KANSL1: variants seen among roughly 807,000 people sequenced by gnomAD.
The protein encoded by KANSL1 is MLL1/MLL complex subunit KANSL1.
A neutral mutation model predicts 103.6 loss-of-function variants in KANSL1; 22 were observed. The ratio of observed to expected loss-of-function variants is 0.21; its 90% CI spans 0.15 to 0.30. The LOEUF is 0.30. Among genes scored for constraint, KANSL1 ranks in the 10% least tolerant of loss-of-function variants. KANSL1 has a pLI of 1.00. For missense variants in KANSL1, 1,337 were observed against 1,399.8 expected, an observed-to-expected ratio of 0.96 and a Z score of 0.72; for synonymous variants, 600 against 527.6, an observed-to-expected ratio of 1.14 and a Z score of -1.88.
chr17:46,099,732 G>A (rs767528896), intron 2 of KANSL1, among the ~76,000 whole-genome samples: 44 of 152,184 alleles, frequency 2.9e-4, no homozygotes, highest in Non-Finnish European at 8.8e-5. Context: ...TGATTTTACC[G>A]TGTGCTTTAT....
At chr17:46,098,607 GATAAT>G (rs1376955312) in intron 2 of KANSL1, among the ~76,000 whole-genome samples, 2 of 152,232 alleles carry the variant, frequency 1.3e-5, no homozygotes, top group Non-Finnish European at 2.9e-5. Context: ...CGAGCCTCCT[GATAAT>G]ATGTTTTGGA....
intron 1 of KANSL1, among the ~76,000 whole-genome samples, chr17:46,216,778 C>A (rs1368062615): frequency 6.6e-6 from 1 of 152,022 alleles, no homozygotes; most frequent in African/African-American, 2.4e-5. Flanking sequence ...TACACCTGTT[C>A]TGGGCTGAAT....
At chr17:46,095,790 A>G (rs2042034870) in intron 2 of KANSL1, among the ~76,000 whole-genome samples, 1 of 152,246 alleles carries the variant, frequency 6.6e-6, no homozygotes, top group Admixed American at 6.5e-5. Flanking sequence ...ACTGACGATT[A>G]AACATCAGAA....
intron 2 of KANSL1, among the ~76,000 whole-genome samples, chr17:46,145,803 A>C (rs930303243): frequency 6.6e-6 from 1 of 152,062 alleles, no homozygotes; most frequent in Non-Finnish European, 1.5e-5. Flanking sequence ...ATCCTGGTTC[A>C]CTCCAACCTC....
chr17:46,190,512 G>T (rs1001302736), intron 1 of KANSL1, among the ~76,000 whole-genome samples: 3 of 152,206 alleles, frequency 2.0e-5, no homozygotes, highest in African/African-American at 7.2e-5. Flanking sequence ...CATATAGATG[G>T]AAAGACCGAA....
chr17:46,161,944 G>T (rs2045764587), intron 2 of KANSL1, among the ~76,000 whole-genome samples: 1 of 152,148 alleles, frequency 6.6e-6, no homozygotes. Context: ...CTTTCATCAG[G>T]CTTAAAATAA....
chr17:46,212,501 G>A (rs1007648851), intron 1 of KANSL1, among the ~76,000 whole-genome samples: 2 of 152,204 alleles, frequency 1.3e-5, no homozygotes, highest in Non-Finnish European at 1.5e-5. Flanking sequence ...TTACGGGCAT[G>A]AGCCACCGCA....
chr17:46,210,986 TC>T (rs1431959774), intron 1 of KANSL1, among the ~76,000 whole-genome samples: 1 of 152,102 alleles, frequency 6.6e-6, no homozygotes, highest in Non-Finnish European at 1.5e-5. Context: ...TTTCTAACCA[TC>T]AGACCTAACT....
intron 2 of KANSL1, among the ~76,000 whole-genome samples, chr17:46,124,937 G>A (rs1385814181): frequency 6.6e-6 from 1 of 151,092 alleles, no homozygotes; most frequent in Non-Finnish European, 1.5e-5. Flanking sequence ...AACTGCAGAT[G>A]AGGAAGAAAC....
At chr17:46,084,381 CCAA>C (rs74515016) in intron 3 of KANSL1, among the ~76,000 whole-genome samples, 33 of 151,324 alleles carry the variant, frequency 2.2e-4, no homozygotes, top group South Asian at 1.7e-3. Context: ...GGCTCTATCT[CCAA>C]CAACAACAAC....
At chr17:46,160,498 T>TACCCA (rs1218783542) in intron 2 of KANSL1, among the ~76,000 whole-genome samples, 3 of 152,292 alleles carry the variant, frequency 2.0e-5, no homozygotes, top group African/African-American at 7.2e-5. Flanking sequence ...TTCGCCATGT[T>TACCCA]ACCCAGGCTG....
rs181489940 is a variant in KANSL1, at chr17:46,076,583, A to G, written c.1533+5858T>C. On this transcript the variant is annotated intron_variant, in intron 4 of 14. Transcript: ENST00000432791. ...TGAAAATCAATGTTCAATTGTTACC[A>G]AAAACAACACAACATAAACCAAAAA... Among the ~76,000 whole-genome samples the G allele has an allele frequency of 1.5e-3, 231 of 151,772 alleles. 5 individuals carry two copies. The highest frequency in any genetic ancestry group is 5.5e-3 in the African/African-American group (227 of 41,486).
intron 1 of KANSL1, among the ~76,000 whole-genome samples, chr17:46,219,856 C>T (rs1369422609): frequency 6.6e-6 from 1 of 152,218 alleles, no homozygotes; most frequent in Non-Finnish European, 1.5e-5. Flanking sequence ...GTAATCCCAG[C>T]ACTTTGGGAG....
At chr17:46,214,134 T>G (rs550897397) in intron 1 of KANSL1, among the ~76,000 whole-genome samples, 1 of 152,230 alleles carries the variant, frequency 6.6e-6, no homozygotes, top group Non-Finnish European at 1.5e-5. Context: ...AAAAACACTT[T>G]TGCCCTTTAG....
intron 2 of KANSL1, among the ~76,000 whole-genome samples, chr17:46,117,153 T>C (rs62061850): frequency 0.14 from 21,651 of 151,988 alleles, 2,118 homozygotes; most frequent in Non-Finnish European, 0.22. Context: ...GATGTGGTAC[T>C]AGATGACTTT....
intron 2 of KANSL1, among the ~76,000 whole-genome samples, chr17:46,125,827 C>T (rs2043528498): frequency 6.6e-6 from 1 of 152,156 alleles, no homozygotes; most frequent in Admixed American, 6.5e-5. Context: ...TTTAAAACCC[C>T]AAAAGGACAG....
chr17:46,156,011 T>C (rs1165091182), intron 2 of KANSL1, among the ~76,000 whole-genome samples: 2 of 152,296 alleles, frequency 1.3e-5, no homozygotes, highest in Non-Finnish European at 1.5e-5. Context: ...GGGAAATACC[T>C]TGTAAATATC....
chr17:46,054,461 C>T (rs1353323861), intron 6 of KANSL1, among the ~76,000 whole-genome samples: 2 of 152,210 alleles, frequency 1.3e-5, no homozygotes, highest in African/African-American at 4.8e-5. Flanking sequence ...TTCAAGCCTC[C>T]TAACTGATCC....
intron 1 of KANSL1, among the ~76,000 whole-genome samples, chr17:46,174,118 T>C (rs2046409080): frequency 6.6e-6 from 1 of 152,260 alleles, no homozygotes; most frequent in South Asian, 2.1e-4. Flanking sequence ...CAAAGATTAG[T>C]GTTTTTGAAA....
Sources: gnomAD v4.1 joint callset for allele counts (sites outside exome capture counted in the v4.1 genomes callset) on GRCh38, gnomAD v4.1.1 for gene constraint, MANE v1.5 for transcripts, NCBI Gene and HGNC (gene_info 2026-07-23, HGNC 2026-07-21) for gene names.